Variants in FARP1 observed in about 807,000 individuals in gnomAD.
FARP1 encodes the protein FERM, ARHGEF and pleckstrin domain-containing protein 1.
Under a neutral mutation model 128.8 loss-of-function variants are expected in FARP1, and 52 were observed. The observed-to-expected ratio is 0.40, with a 90% CI of 0.32 to 0.51. FARP1 has a LOEUF of 0.51. FARP1 is among the 20% of genes least tolerant of loss of function. The pLI is 0.45. For missense variants in FARP1, 1,333 were observed against 1,367.9 expected, an observed-to-expected ratio of 0.97 and a Z score of 0.40; for synonymous variants, 580 against 551.8, an observed-to-expected ratio of 1.05 and a Z score of -0.72.
At chr13:98,395,198 C>A (rs1890471743) in intron 12 of FARP1, 29 bp from the exon 13 acceptor site, 2 of 1,573,292 alleles carry the variant, frequency 1.3e-6, no homozygotes, top group South Asian at 2.3e-5. Context: ...TTCTCTATCT[C>A]TCCGCACCTT....
At position 98,269,598 on chromosome 13, in the gene FARP1, A is replaced by G. The variant is rs570152142; in HGVS notation, c.171+56185A>G. On this transcript the variant is annotated intron_variant, in intron 2 of 26. Coordinates refer to ENST00000319562, the MANE Select transcript of FARP1 (RefSeq NM_005766.4). ...CTCATGAGGGGCCTGTCAGGCCCAG[A>G]AACACTGAACCTTGTCCCACTCTTG... 5.9e-5 allele frequency among the ~76,000 whole-genome samples: 9 copies of G among 152,378 alleles called. No individual in the cohort carries two copies. The South Asian group carries it at 1.7e-3, about 28-fold the overall frequency.
intron 2 of FARP1, among the ~76,000 whole-genome samples, chr13:98,250,706 G>A (rs771707042): frequency 1.9e-4 from 28 of 148,500 alleles, no homozygotes; most frequent in Non-Finnish European, 3.9e-4. Flanking sequence ...GGGCGACAGA[G>A]CAAGACTCTG....
At chr13:98,287,612 C>T (rs116624467) in intron 2 of FARP1, among the ~76,000 whole-genome samples, 4,523 of 152,026 alleles carry the variant, frequency 0.03, 114 homozygotes, top group Middle Eastern at 0.11. Context: ...AGATTGTTTG[C>T]CCCCTACCTG....
At chr13:98,278,269 A>G (rs949108294) in intron 2 of FARP1, among the ~76,000 whole-genome samples, 3 of 149,820 alleles carry the variant, frequency 2.0e-5, no homozygotes, top group African/African-American at 7.5e-5. Flanking sequence ...GTGTATGTGT[A>G]TATTTTGTGA....
At chr13:98,309,292 G>A (rs1477529325) in intron 2 of FARP1, among the ~76,000 whole-genome samples, 32 of 146,354 alleles carry the variant, frequency 2.2e-4, no homozygotes, top group Non-Finnish European at 1.0e-4. Flanking sequence ...TCAGCCTCCC[G>A]AGTAGCTGGG....
At chr13:98,236,076 G>A (rs1338262556) in intron 2 of FARP1, among the ~76,000 whole-genome samples, 11 of 152,162 alleles carry the variant, frequency 7.2e-5, no homozygotes, top group East Asian at 1.9e-4. Context: ...TGCCCGCCTC[G>A]GCCTTCCGAA....
chr13:98,313,726 T>C (rs148910424), intron 2 of FARP1, among the ~76,000 whole-genome samples: 56 of 152,282 alleles, frequency 3.7e-4, no homozygotes, highest in African/African-American at 1.3e-3. Context: ...CATGAGTCTA[T>C]CGTCATTCCT....
chr13:98,203,599 C>A (rs1022133355), intron 1 of FARP1, among the ~76,000 whole-genome samples: 14 of 152,170 alleles, frequency 9.2e-5, no homozygotes, highest in Admixed American at 8.5e-4. Context: ...TGTGGCAGAA[C>A]AATATTCCCT....
chr13:98,252,257 A>G lies in FARP1; in HGVS notation c.171+38844A>G, dbSNP rs1368306812. ...TGAATTTTTCAAAATGCCCATTTGC[A>G]TTTTGACTGTTCAGACTTCCTGACT... On this transcript the variant is annotated intron_variant, in intron 2 of 26. Transcript: ENST00000319562. 3.3e-5 allele frequency among the ~76,000 whole-genome samples: 5 copies of G among 152,208 alleles called. No individual in the cohort carries two copies. In the East Asian group the frequency reaches 5.8e-4, roughly 18 times the overall value.
chr13:98,310,451 C>A (rs755914282), intron 2 of FARP1, among the ~76,000 whole-genome samples: 1 of 152,162 alleles, frequency 6.6e-6, no homozygotes, highest in Non-Finnish European at 1.5e-5. Flanking sequence ...TTCATGTGGC[C>A]CAGAGCACAT....
At chr13:98,358,714 T>C (rs1427791131) in intron 3 of FARP1, among the ~76,000 whole-genome samples, 1 of 152,082 alleles carries the variant, frequency 6.6e-6, no homozygotes, top group Admixed American at 6.6e-5. Context: ...TGGCTCACTG[T>C]AACCTCCGCC....
chr13:98,187,710 G>A (rs1184394757), intron 1 of FARP1, among the ~76,000 whole-genome samples: 2 of 152,176 alleles, frequency 1.3e-5, no homozygotes, highest in Non-Finnish European at 2.9e-5. Context: ...AGAAGTTGCT[G>A]GATTACCATA....
intron 2 of FARP1, among the ~76,000 whole-genome samples, chr13:98,252,416 C>T (rs901606639): frequency 6.6e-6 from 1 of 152,168 alleles, no homozygotes; most frequent in African/African-American, 2.4e-5. Context: ...CGTTCATTAC[C>T]TGCATATTTT....
intron 6 of FARP1, among the ~76,000 whole-genome samples, chr13:98,380,444 A>G (rs1352689320): frequency 6.6e-6 from 1 of 151,972 alleles, no homozygotes; most frequent in Non-Finnish European, 1.5e-5. Flanking sequence ...AAAAAGAAGA[A>G]GAGTGGATTT....
At chr13:98,441,989 A>G (rs1288147362) in intron 24 of FARP1, among the ~76,000 whole-genome samples, 1 of 152,150 alleles carries the variant, frequency 6.6e-6, no homozygotes, top group Non-Finnish European at 1.5e-5. Flanking sequence ...AGAACACTTC[A>G]AGCCCGTGAA....
chr13:98,436,320 T>C (rs532153139), intron 19 of FARP1, among the ~76,000 whole-genome samples: 47 of 152,238 alleles, frequency 3.1e-4, no homozygotes, highest in African/African-American at 1.1e-3. Flanking sequence ...CCAGTGACAA[T>C]GTGGAGGACA....
chr13:98,431,453 A>T, intron 18 of FARP1, 173 bp downstream of exon 18: 1 of 499,930 alleles, frequency 2.0e-6, no homozygotes, highest in Non-Finnish European at 3.5e-6. Flanking sequence ...GTGTTTGGTT[A>T]CATCTTGATT....
At chr13:98,343,389 A>G (rs977102341) in intron 2 of FARP1, among the ~76,000 whole-genome samples, 8 of 152,174 alleles carry the variant, frequency 5.3e-5, no homozygotes, top group Admixed American at 3.3e-4. Context: ...TGGCTCCACA[A>G]CTGTAGCAAA....
intron 12 of FARP1, 68 bp from the exon 13 acceptor site, chr13:98,395,158 GT>G: frequency 6.6e-7 from 1 of 1,505,036 alleles, no homozygotes; most frequent in Non-Finnish European, 8.9e-7. Context: ...CTCCTTTTCT[GT>G]TTTCAGCCTT....
Sources: gnomAD v4.1 joint callset for allele counts (sites outside exome capture counted in the v4.1 genomes callset) on GRCh38, gnomAD v4.1.1 for gene constraint, MANE v1.5 for transcripts, NCBI Gene and HGNC (gene_info 2026-07-23, HGNC 2026-07-21) for gene names.